Variants in SEM1 observed in about 807,000 individuals in gnomAD.
SEM1 encodes 26S proteasome complex subunit SEM1.
A neutral mutation model predicts 12.7 loss-of-function variants in SEM1; 3 were observed. That is an observed-to-expected ratio of 0.24 (90% CI 0.11 to 0.61). The LOEUF (loss-of-function observed/expected upper bound fraction) is 0.61. Ranked by LOEUF, SEM1 falls within the 20% of genes least tolerant of loss-of-function variation. The probability of loss-of-function intolerance (pLI) is 0.88; values close to 1 mark genes in which losing one functional copy is unlikely to be tolerated. For missense variants in SEM1, 59 were observed against 81.3 expected (o/e 0.73, Z 1.06); for synonymous variants, 30 against 27.8 (o/e 1.08, Z -0.25).
chr7:96,615,236 G>A (rs1015996467), intron 2 of SEM1, among the ~76,000 whole-genome samples: 2 of 58,192 alleles, frequency 3.4e-5, no homozygotes, highest in African/African-American at 1.1e-4. Flanking sequence ...TATTTTTTGA[G>A]TCATCTTTTT....
At chr7:96,614,844 G>GCA (rs1807658128) in intron 2 of SEM1, among the ~76,000 whole-genome samples, 1 of 151,880 alleles carries the variant, frequency 6.6e-6, no homozygotes, top group African/African-American at 2.4e-5. Flanking sequence ...ACACATATGT[G>GCA]CACACACACA....
intron 2 of SEM1, among the ~76,000 whole-genome samples, chr7:96,578,224 A>G (rs1806269733): frequency 6.6e-6 from 1 of 152,064 alleles, no homozygotes; most frequent in Non-Finnish European, 1.5e-5. Flanking sequence ...AATTTTGCAG[A>G]AAAAATAAAA....
intron 2 of SEM1, among the ~76,000 whole-genome samples, chr7:96,526,131 T>A (rs1193978377): frequency 6.6e-6 from 1 of 152,182 alleles, no homozygotes; most frequent in Non-Finnish European, 1.5e-5. Flanking sequence ...TTATTATTTT[T>A]AAACAATATT....
chr7:96,643,101 C>T (rs1808666496), intron 2 of SEM1, among the ~76,000 whole-genome samples: 1 of 152,032 alleles, frequency 6.6e-6, no homozygotes, highest in Non-Finnish European at 1.5e-5. Context: ...CTCTCTCCTC[C>T]CACCATCCAA....
intron 3 of SEM1, chr7:96,483,991 A>G (rs1287229614): frequency 3.3e-6 from 5 of 1,495,738 alleles, no homozygotes; most frequent in Admixed American, 4.6e-5. Context: ...TCAGGGACCT[A>G]TGAAGAAGAA....
intron 1 of SEM1, among the ~76,000 whole-genome samples, chr7:96,490,436 T>C (rs977671844): frequency 2.6e-5 from 4 of 152,148 alleles, no homozygotes; most frequent in Non-Finnish European, 5.9e-5. Context: ...TAAGAAACAA[T>C]GTTTTTGAAC....
At chr7:96,700,921 C>A (rs1195841718) in intron 1 of SEM1, among the ~76,000 whole-genome samples, 3 of 152,064 alleles carry the variant, frequency 2.0e-5, no homozygotes, top group Non-Finnish European at 2.9e-5. Context: ...CTATGAATAA[C>A]CACATTATTA....
At chr7:96,551,043 A>G (rs752525753) in intron 2 of SEM1, among the ~76,000 whole-genome samples, 21 of 152,220 alleles carry the variant, frequency 1.4e-4, no homozygotes, top group Non-Finnish European at 4.4e-5. Flanking sequence ...TAGACATGCA[A>G]GAGATTTATT....
intron 2 of SEM1, among the ~76,000 whole-genome samples, chr7:96,541,008 A>G (rs889028181): frequency 6.6e-6 from 1 of 151,674 alleles, no homozygotes; most frequent in Non-Finnish European, 1.5e-5. Context: ...TTGATTCCAT[A>G]TATCTGCTAT....
chr7:96,524,543 T>C (rs768005968), intron 2 of SEM1, among the ~76,000 whole-genome samples: 1 of 152,076 alleles, frequency 6.6e-6, no homozygotes, highest in Non-Finnish European at 1.5e-5. Flanking sequence ...ATATAATTAT[T>C]TCATATATCA....
At chr7:96,603,912 T>G (rs1807266288) in intron 2 of SEM1, among the ~76,000 whole-genome samples, 1 of 152,108 alleles carries the variant, frequency 6.6e-6, no homozygotes, top group African/African-American at 2.4e-5. Flanking sequence ...ATGGAGACGC[T>G]TCAGGCCCAG....
chr7:96,552,019 C>T (rs1005387490), intron 2 of SEM1, among the ~76,000 whole-genome samples: 32 of 152,150 alleles, frequency 2.1e-4, no homozygotes, highest in Non-Finnish European at 3.5e-4. Context: ...GTTGAGGTTG[C>T]CCCTCGCAGG....
chr7:96,568,235 A>G (rs1363704170), intron 2 of SEM1, among the ~76,000 whole-genome samples: 1 of 134,948 alleles, frequency 7.4e-6, no homozygotes, highest in African/African-American at 2.7e-5. Flanking sequence ...AGAAATGTCA[A>G]CCATTTTTTT....
chr7:96,632,546 C>T (rs1021554507), intron 2 of SEM1, among the ~76,000 whole-genome samples: 1 of 151,918 alleles, frequency 6.6e-6, no homozygotes, highest in South Asian at 2.1e-4. Flanking sequence ...CACACTGGGG[C>T]CTGTCAGGGG....
intron 2 of SEM1, among the ~76,000 whole-genome samples, chr7:96,567,642 T>C (rs1343124730): frequency 6.6e-6 from 1 of 151,572 alleles, no homozygotes; most frequent in Non-Finnish European, 1.5e-5. Context: ...GGCTGTCAAT[T>C]AGATGGATAT....
intron 1 of SEM1, among the ~76,000 whole-genome samples, chr7:96,493,607 A>G (rs1319783218): frequency 6.6e-6 from 1 of 151,378 alleles, no homozygotes; most frequent in Non-Finnish European, 1.5e-5. Flanking sequence ...TTCCTACCAA[A>G]CCTCCAATAT....
chr7:96,519,316 A>G (rs1804195716), intron 2 of SEM1, among the ~76,000 whole-genome samples: 3 of 151,898 alleles, frequency 2.0e-5, no homozygotes, highest in African/African-American at 7.3e-5. Context: ...GGCATTTAGG[A>G]TACATCAGTG....
At chr7:96,669,658 A>C (rs1384269069), downstream of SEM1, among the ~76,000 whole-genome samples, 3 of 152,160 alleles carry the variant, frequency 2.0e-5, no homozygotes, top group South Asian at 2.1e-4. Flanking sequence ...TTTAGGATAC[A>C]TAAGATAAGT....
chr7:96,613,832 A>G (rs1345166583), intron 2 of SEM1, among the ~76,000 whole-genome samples: 1 of 152,246 alleles, frequency 6.6e-6, no homozygotes, highest in Non-Finnish European at 1.5e-5. Context: ...TTCACTTAGC[A>G]TAATGTCCTC....
Sources: gnomAD v4.1 joint callset for allele counts (sites outside exome capture counted in the v4.1 genomes callset) on GRCh38, gnomAD v4.1.1 for gene constraint, MANE v1.5 for transcripts, NCBI Gene and HGNC (gene_info 2026-07-23, HGNC 2026-07-21) for gene names.